Variants in ZMAT5 observed in about 807,000 individuals in gnomAD.
ZMAT5 encodes the protein zinc finger matrin-type 5, also known as zinc finger matrin-type protein 5.
Under a neutral mutation model 28.0 loss-of-function variants are expected in ZMAT5, and 23 were observed. The ratio of observed to expected loss-of-function variants is 0.82; its 90% CI spans 0.59 to 1.16. The LOEUF is 1.16. Among genes scored for constraint, ZMAT5 ranks in the 50% most tolerant of loss-of-function variants. The pLI, the probability that ZMAT5 is intolerant of heterozygous loss-of-function variation, is 0.00. For synonymous variants in ZMAT5, 76 were observed against 84.1 expected, an observed-to-expected ratio of 0.90 and a Z score of 0.52; for missense variants, 173 against 212.7, an observed-to-expected ratio of 0.81 and a Z score of 1.16.
intron 1 of ZMAT5, among the ~76,000 whole-genome samples, chr22:29,756,831 T>A (rs2068105849): frequency 6.6e-6 from 1 of 152,104 alleles, no homozygotes; most frequent in Non-Finnish European, 1.5e-5. Flanking sequence ...GTGGATCACC[T>A]GAGGTCAAGA....
At chr22:29,757,284 C>T (rs907171099) in intron 1 of ZMAT5, among the ~76,000 whole-genome samples, 6 of 150,142 alleles carry the variant, frequency 4.0e-5, no homozygotes, top group Admixed American at 2.0e-4. Flanking sequence ...CCTAAGGTAG[C>T]AGATGATGGA....
intron 5 of ZMAT5, among the ~76,000 whole-genome samples, chr22:29,732,012 G>C (rs1013138363): frequency 6.6e-6 from 1 of 151,970 alleles, no homozygotes; most frequent in East Asian, 1.9e-4. Flanking sequence ...CGTCCACCCC[G>C]AGCCACCTCC....
intron 1 of ZMAT5, among the ~76,000 whole-genome samples, chr22:29,758,015 C>CA (rs547802111): frequency 0.012 from 1,711 of 140,006 alleles, 27 homozygotes; most frequent in African/African-American, 0.038. Flanking sequence ...ACTCCATCTC[C>CA]AAAAAAAAAA....
chr22:29,745,688 G>C (rs1483735376), intron 2 of ZMAT5, among the ~76,000 whole-genome samples: 2 of 152,250 alleles, frequency 1.3e-5, no homozygotes, highest in Non-Finnish European at 1.5e-5. Flanking sequence ...GAGGGCCACA[G>C]TGTTAGTGAG....
In ZMAT5 at chr22:29,740,662, T is replaced by C. The variant is rs1331862015; in HGVS notation, c.259A>G (p.Ile87Val). 6.2e-7 allele frequency: 1 copy of C among 1,602,498 alleles called. No homozygotes were observed. Among genetic ancestry groups the C allele is most frequent in the Non-Finnish European group, 8.5e-7 (1 of 1,174,952 alleles). ...TCCCGAGACGTACCCTCCACCTGGATGCTCAGCTCCTGCAGGTCTCGCTCT... is the reference window on the plus strand; with the variant it reads ...TCCCGAGACGTACCCTCCACCTGGACGCTCAGCTCCTGCAGGTCTCGCTCT... ...MSERDLQELS[I>V]QVEEERRARE... Residue 87 changes from isoleucine (I) to valine (V), a missense_variant, in exon 4 of 6, where the codon ATC becomes GTC. By Grantham distance (29) the Ile-to-Val change is conservative. Transcript: ENST00000344318.
intron 2 of ZMAT5, among the ~76,000 whole-genome samples, chr22:29,744,126 C>T (rs912850909): frequency 6.6e-6 from 1 of 152,170 alleles, no homozygotes; most frequent in Non-Finnish European, 1.5e-5. Context: ...CCGTGGCTCC[C>T]AACTCTGGTG....
chr22:29,747,984 G>T, intron 2 of ZMAT5: 1 of 234,830 alleles, frequency 4.3e-6, no homozygotes, highest in South Asian at 5.4e-5. Context: ...TGCTTATGAT[G>T]GCCTCCACAG....
chr22:29,732,129 C>T (rs1030055258), intron 5 of ZMAT5, among the ~76,000 whole-genome samples: 3 of 152,260 alleles, frequency 2.0e-5, no homozygotes, highest in Non-Finnish European at 4.4e-5. Flanking sequence ...ACCATTCTTC[C>T]ACCTGTCCCA....
Position 29,766,984 on chromosome 22 carries a change from T to G in ZMAT5, c.-140A>C, listed in dbSNP as rs2068221325. The G allele has an allele frequency of 6.3e-6, 1 of 157,980 alleles. No homozygotes were observed. Among genetic ancestry groups the G allele is most frequent in the Non-Finnish European group, 1.4e-5 (1 of 71,140 alleles). 9.8% of individuals were successfully genotyped at this position (157,980 alleles called of 1,614,324 possible). A position where few individuals can be genotyped will look rare whatever the true frequency, so the allele number is the denominator to read the frequency against. Reference sequence around the variant, plus strand: ...GGTGGCTGCAGCTCCGGGCTCCTCCTCCTGCGTCCTCGCGTCGCGTACTGC... The same window carrying G: ...GGTGGCTGCAGCTCCGGGCTCCTCCGCCTGCGTCCTCGCGTCGCGTACTGC... On this transcript the variant is annotated 5_prime_UTR_variant, in exon 1 of 6. Coordinates refer to ENST00000344318, the MANE Select transcript of ZMAT5 (RefSeq NM_001003692.2).
intron 1 of ZMAT5, among the ~76,000 whole-genome samples, chr22:29,761,119 A>G (rs574553320): frequency 1.3e-5 from 2 of 151,932 alleles, no homozygotes; most frequent in Non-Finnish European, 2.9e-5. Context: ...CTAAAAATAT[A>G]AAAATTAGCT....
chr22:29,741,475 C>G (rs1419991085), intron 3 of ZMAT5, among the ~76,000 whole-genome samples: 1 of 152,212 alleles, frequency 6.6e-6, no homozygotes, highest in Admixed American at 6.5e-5. Context: ...TGTGAATCAT[C>G]ATAGTTTTCC....
chr22:29,755,794 C>T (rs1348615726), intron 1 of ZMAT5, among the ~76,000 whole-genome samples: 1 of 152,234 alleles, frequency 6.6e-6, no homozygotes, highest in East Asian at 1.9e-4. Context: ...GCCAGTGGGC[C>T]AGGGTGCCAT....
intron 5 of ZMAT5, among the ~76,000 whole-genome samples, chr22:29,737,737 C>T (rs1404972605): frequency 6.6e-6 from 1 of 152,068 alleles, no homozygotes; most frequent in African/African-American, 2.4e-5. Flanking sequence ...TGAATATCAC[C>T]CGAGGCCCTT....
At chr22:29,752,249 G>T (rs549250358) in intron 1 of ZMAT5, among the ~76,000 whole-genome samples, 1 of 152,254 alleles carries the variant, frequency 6.6e-6, no homozygotes, top group South Asian at 2.1e-4. Flanking sequence ...CAGCCCACCA[G>T]GAAACTGGAC....
At chr22:29,754,414 C>G (rs2068081253) in intron 1 of ZMAT5, among the ~76,000 whole-genome samples, 1 of 152,220 alleles carries the variant, frequency 6.6e-6, no homozygotes, top group African/African-American at 2.4e-5. Context: ...GCGGGCAAGG[C>G]TAGTGGGACA....
chr22:29,762,500 C>T (rs749457835), intron 1 of ZMAT5, among the ~76,000 whole-genome samples: 1 of 152,160 alleles, frequency 6.6e-6, no homozygotes, highest in Non-Finnish European at 1.5e-5. Flanking sequence ...CCTGTCAGAT[C>T]ATCGGCAGCA....
At chr22:29,738,986 G>C (rs2067935288) in intron 4 of ZMAT5, among the ~76,000 whole-genome samples, 1 of 151,694 alleles carries the variant, frequency 6.6e-6, no homozygotes, top group Non-Finnish European at 1.5e-5. Context: ...ACTCCAACCT[G>C]GGCGGCAAGA....
chr22:29,731,032 G>A lies in ZMAT5; in HGVS notation c.*193C>T. On this transcript the variant is annotated 3_prime_UTR_variant, in exon 6 of 6. Transcript: ENST00000344318. The stretch of plus-strand genomic sequence containing the variant: ...CTTAAGAAGCAGGGGGGCAGGTGGA[G>A]GAGAGTGAGGGGAGAGCTGCCCGGT... The A allele has an allele frequency of 2.1e-6, 1 of 485,558 alleles. No individual in the cohort carries two copies. The highest frequency in any genetic ancestry group is 3.5e-6 in the Non-Finnish European group (1 of 283,862). The allele number at this position is 485,558 out of a possible 1,614,324, so 30.1% of individuals were successfully genotyped here. A position where few individuals can be genotyped will look rare whatever the true frequency, so the allele number is the denominator to read the frequency against.
chr22:29,764,587 G>A (rs188688422), intron 1 of ZMAT5, among the ~76,000 whole-genome samples: 2 of 152,214 alleles, frequency 1.3e-5, no homozygotes, highest in Admixed American at 1.3e-4. Context: ...GGCAGCCTCC[G>A]CCTCCCAGGT....
Sources: gnomAD v4.1 joint callset for allele counts (sites outside exome capture counted in the v4.1 genomes callset) on GRCh38, gnomAD v4.1.1 for gene constraint, MANE v1.5 for transcripts, NCBI Gene and HGNC (gene_info 2026-07-23, HGNC 2026-07-21) for gene names.